DCTN4: variants seen among roughly 807,000 people sequenced by gnomAD.
The protein encoded by DCTN4 is dynactin 4 (p62).
In DCTN4, 23 loss-of-function variants were observed where a neutral mutation model predicts 62.7. The ratio of observed to expected loss-of-function variants is 0.37; its 90% confidence interval spans 0.26 to 0.52. DCTN4 has a LOEUF of 0.52. DCTN4 is among the 20% of genes least tolerant of loss of function. DCTN4 has a pLI of 0.92. For missense variants in DCTN4, 514 were observed against 580.4 expected, an observed-to-expected ratio of 0.89 and a Z score of 1.18; for synonymous variants, 199 against 202.1, an observed-to-expected ratio of 0.98 and a Z score of 0.13.
At position 150,715,681 on chromosome 5, in the gene DCTN4, A is replaced by G. The variant is rs761197655; in HGVS notation, c.1072-19T>C. The stretch of plus-strand genomic sequence containing the variant: ...CCACCACCTGGAGAGCAACACAGAG[A>G]GGCCTGCCTGAGAAGGGACCAGTGT... On this transcript the variant is annotated intron_variant, in intron 11 of 12. Transcript: ENST00000447998. The G allele has an allele frequency of 8.1e-6, 13 of 1,607,578 alleles. No individual in the cohort carries two copies. Among genetic ancestry groups the G allele is most frequent in the Non-Finnish European group, 1.1e-5 (13 of 1,174,246 alleles).
At chr5:150,746,119 G>C (rs1163058040) in intron 3 of DCTN4, among the ~76,000 whole-genome samples, 2 of 149,954 alleles carry the variant, frequency 1.3e-5, no homozygotes, top group African/African-American at 4.9e-5. Flanking sequence ...TATCACCACC[G>C]ATCCCACAGA....
At chr5:150,733,779 G>A (rs1215073394) in intron 4 of DCTN4, 5 of 231,968 alleles carry the variant, frequency 2.2e-5, no homozygotes, top group Admixed American at 5.2e-5. Context: ...CATGGCCACA[G>A]GACCACTTAT....
intron 12 of DCTN4, among the ~76,000 whole-genome samples, chr5:150,713,156 T>TA (rs1053626825): frequency 6.6e-6 from 1 of 152,184 alleles, no homozygotes; most frequent in Non-Finnish European, 1.5e-5. Context: ...ATGAGTCATG[T>TA]AAAAAATAAT....
chr5:150,726,685 G>A (rs1038999690), intron 8 of DCTN4, among the ~76,000 whole-genome samples: 2 of 152,054 alleles, frequency 1.3e-5, no homozygotes, highest in African/African-American at 4.8e-5. Flanking sequence ...CCAAAATTCC[G>A]CAACTTAGCA....
rs1478841061 is a variant in DCTN4, at chr5:150,710,527, A to G, written c.*622T>C. ...TACGTGTCCTGTATTCACTTAGAAAAAGAGGGCAAATGAGAGTGCCTTAAC... is the reference window on the plus strand; with the variant it reads ...TACGTGTCCTGTATTCACTTAGAAAGAGAGGGCAAATGAGAGTGCCTTAAC... On this transcript the variant is annotated 3_prime_UTR_variant, in exon 13 of 13. Transcript: ENST00000447998. 1 of 153,002 alleles carries G rather than the reference A, an allele frequency of 6.5e-6. No homozygotes were observed. Among genetic ancestry groups the G allele is most frequent in the African/African-American group, 2.4e-5 (1 of 41,464 alleles). 9.5% of individuals were successfully genotyped at this position (153,002 alleles called of 1,614,324 possible). A position where few individuals can be genotyped will look rare whatever the true frequency, so the allele number is the denominator to read the frequency against.
Position 150,708,556 on chromosome 5 carries a change from A to C in DCTN4, c.*2593T>G, listed in dbSNP as rs1038854029. 6.6e-6 allele frequency: 1 copy of C among 152,664 alleles called. No homozygotes were observed. The highest frequency in any genetic ancestry group is 1.5e-5 in the Non-Finnish European group (1 of 68,052). 9.5% of individuals were successfully genotyped at this position (152,664 alleles called of 1,614,324 possible). On this transcript the variant is annotated 3_prime_UTR_variant, in exon 13 of 13. Transcript: ENST00000447998. ...ATGGTTCTGTGAATATGTATATAAG[A>C]AGCTCAAAGCAACATCTACTTATAT...
At chr5:150,727,422 A>T (rs79354767) in intron 8 of DCTN4, among the ~76,000 whole-genome samples, 3,358 of 152,122 alleles carry the variant, frequency 0.022, 128 homozygotes, top group African/African-American at 0.076. Flanking sequence ...TTTTAAAATT[A>T]TTTTTTTCTA....
At chr5:150,725,343 A>G (rs1392957473) in intron 8 of DCTN4, among the ~76,000 whole-genome samples, 1 of 151,796 alleles carries the variant, frequency 6.6e-6, no homozygotes, top group Non-Finnish European at 1.5e-5. Flanking sequence ...AGGTATTACT[A>G]TATTAATGGT....
At position 150,752,099 on chromosome 5, in the gene DCTN4, G is replaced by GA. The variant is rs943287322; in HGVS notation, c.385+1379dup. ...TAGAAAATTAAACAATGAAACCTCA[G>GA]AAAAAAAAATACGGAGTTAGTGATG... On this transcript the variant is annotated intron_variant, in intron 3 of 12. Coordinates refer to ENST00000447998, the MANE Select transcript of DCTN4 (RefSeq NM_016221.4). 1.7e-4 allele frequency among the ~76,000 whole-genome samples: 26 copies of GA among 150,178 alleles called. No homozygotes were observed. In the East Asian group the frequency reaches 3.9e-3, roughly 22 times the overall value.
intron 4 of DCTN4, among the ~76,000 whole-genome samples, chr5:150,736,062 A>G (rs1385947394): frequency 6.6e-6 from 1 of 152,006 alleles, no homozygotes; most frequent in Non-Finnish European, 1.5e-5. Flanking sequence ...CAAAGAAAAA[A>G]GAATAATAAC....
intron 1 of DCTN4, 150 bp from the exon 2 acceptor site, chr5:150,756,637 C>T (rs537768579): frequency 4.4e-6 from 1 of 225,886 alleles, no homozygotes. Flanking sequence ...CTTCAGTCAC[C>T]TGTTTTTTTT....
rs1324348360 is a variant in DCTN4, at chr5:150,730,680, A to C, written c.785T>G (p.Leu262Arg). ...CAGAAGATGTTTGTGGCGAGGATAG[A>C]GCTGTGAAGCACAGACTGGCTGGAA... ...PDFQPVCASQ[L>R]YPRHKHLLIK... The change falls in exon 8 of 13, where the codon CTC becomes CGC. Residue 262 changes from leucine to arginine, a missense_variant. Transcript: ENST00000447998. 1 of 1,614,124 alleles carries C rather than the reference A, an allele frequency of 6.2e-7. No homozygotes were observed. The highest frequency in any genetic ancestry group is 8.5e-7 in the Non-Finnish European group (1 of 1,179,992).
At chr5:150,723,688 AT>A (rs1020965526) in intron 8 of DCTN4, among the ~76,000 whole-genome samples, 3 of 152,194 alleles carry the variant, frequency 2.0e-5, no homozygotes, top group Non-Finnish European at 4.4e-5. Flanking sequence ...CTGGTTAAAA[AT>A]TTTTTTAACA....
rs1338537360 is a variant in DCTN4, at chr5:150,710,080, A to ATACTT, written c.*1068_*1069insAAGTA. 3.9e-5 allele frequency: 6 copies of ATACTT among 152,508 alleles called. No individual in the cohort carries two copies. The highest frequency in any genetic ancestry group is 1.2e-4 in the African/African-American group (5 of 41,586). 9.4% of individuals were successfully genotyped at this position (152,508 alleles called of 1,614,324 possible). A position where few individuals can be genotyped will look rare whatever the true frequency, so the allele number is the denominator to read the frequency against. On this transcript the variant is annotated 3_prime_UTR_variant, in exon 13 of 13. Transcript: ENST00000447998. ...TCTTATTTGACTCACCACATGACAA[A>ATACTT]AGTCTTAAACTTAGTAAGGGGGAAA...
chr5:150,748,686 G>A (rs1350572082), intron 3 of DCTN4, among the ~76,000 whole-genome samples: 1 of 148,006 alleles, frequency 6.8e-6, no homozygotes, highest in Non-Finnish European at 1.5e-5. Context: ...CTATCACAAG[G>A]ACAAAAAACC....
chr5:150,749,532 T>C (rs568031189), intron 3 of DCTN4, among the ~76,000 whole-genome samples: 8 of 152,288 alleles, frequency 5.3e-5, no homozygotes, highest in African/African-American at 1.7e-4. Flanking sequence ...CAGTTGGGCA[T>C]TGGCCAGGTG....
rs563519458 is a variant in DCTN4 at position 150,758,746 on chromosome 5, G to A, written c.135+113C>T. Reference sequence around the variant, plus strand: ...TCGCAGGCAAACCCGAGTGACGGAAGACATAACCAATCAGTAAGGAAGGAA... The same window carrying A: ...TCGCAGGCAAACCCGAGTGACGGAAAACATAACCAATCAGTAAGGAAGGAA... On this transcript the variant is annotated intron_variant, in intron 1 of 12. Transcript: ENST00000447998. The A allele has an allele frequency of 4.1e-6, 6 of 1,465,880 alleles. No homozygotes were observed. In the African/African-American group the frequency reaches 5.6e-5, roughly 14 times the overall value. 90.8% of individuals were successfully genotyped at this position (1,465,880 alleles called of 1,614,324 possible). A position where few individuals can be genotyped will look rare whatever the true frequency, so the allele number is the denominator to read the frequency against.
intron 8 of DCTN4, among the ~76,000 whole-genome samples, chr5:150,729,044 T>C (rs1471541466): frequency 0.02 from 2,095 of 103,384 alleles, 379 homozygotes; most frequent in African/African-American, 0.11. Flanking sequence ...CACACTGGCT[T>C]TTTTTTTTTT....
chr5:150,712,654 A>G (rs1759612300), intron 12 of DCTN4, among the ~76,000 whole-genome samples: 1 of 152,246 alleles, frequency 6.6e-6, no homozygotes, highest in Non-Finnish European at 1.5e-5. Context: ...CCATAAATCA[A>G]GAATGTTTTT....
Sources: allele counts gnomAD v4.1 joint callset (sites outside exome capture counted in the v4.1 genomes callset), GRCh38; gene constraint gnomAD v4.1.1; transcripts MANE v1.5; gene names NCBI Gene and HGNC (gene_info 2026-07-23, HGNC 2026-07-21).